Variants in CXADR observed in about 807,000 individuals in gnomAD.
CXADR encodes CXADR cell adhesion molecule, also known as coxsackievirus and adenovirus receptor.
In CXADR, 20 loss-of-function variants were observed where a neutral mutation model predicts 40.3. That is an observed-to-expected ratio of 0.50 (90% CI 0.35 to 0.72). CXADR has a LOEUF of 0.72. Ranked by LOEUF, CXADR falls within the 30% of genes least tolerant of loss-of-function variation. The pLI, the probability that CXADR is intolerant of heterozygous loss-of-function variation, is 0.01. For missense variants in CXADR, 332 were observed against 449.1 expected, an observed-to-expected ratio of 0.74 and a Z score of 2.36; for synonymous variants, 150 against 161.3, an observed-to-expected ratio of 0.93 and a Z score of 0.53.
At chr21:17,614,029 G>A in the CXADR span, 2 of 151,292 alleles carry the variant, frequency 1.3e-5, no homozygotes, top group African/African-American at 2.4e-5. Flanking sequence ...TAGCCAATTA[G>A]CAATTCAAAA....
At chr21:17,527,203 A>C (rs915308371) in intron 1 of CXADR, 5 of 152,354 alleles carry the variant, frequency 3.3e-5, no homozygotes, top group East Asian at 1.9e-4. Context: ...TGGATCTGTA[A>C]CTGTGAACAA....
At chr21:17,525,431 G>A (rs2060587063) in intron 1 of CXADR, among the ~76,000 whole-genome samples, 2 of 152,184 alleles carry the variant, frequency 1.3e-5, no homozygotes, top group African/African-American at 4.8e-5. Flanking sequence ...GTCCTCTCAA[G>A]GAATCTCAAG....
chr21:17,560,755 A>T lies in CXADR; in HGVS notation c.625A>T (p.Thr209Ser), dbSNP rs755872711. 6.2e-7 allele frequency: 1 copy of T among 1,613,948 alleles called. No individual in the cohort carries two copies. The highest frequency in any genetic ancestry group is 8.5e-7 in the Non-Finnish European group (1 of 1,179,956). The change falls in exon 5 of 7, where the codon ACA becomes TCA. Residue 209 changes from threonine to serine, a missense_variant. Around this residue, in one of 3 missense-constraint regions of CXADR, gnomAD observed 20 missense variants for 56.4 expected, o/e 0.35. Transcript: ENST00000284878. ...AAATGCCTCTTCTGAGTACTCTGGG[A>T]CATACAGCTGTACAGTCAGAAACAG... ...VKNASSEYSG[T>S]YSCTVRNRVG...
the CXADR span, among the ~76,000 whole-genome samples, chr21:17,618,378 A>G: frequency 1.3e-5 from 2 of 152,090 alleles, no homozygotes; most frequent in African/African-American, 2.4e-5. Context: ...ACTTCTATTA[A>G]TGTTGATATT....
intron 6 of CXADR, among the ~76,000 whole-genome samples, chr21:17,563,812 G>A (rs1263694453): frequency 2.0e-5 from 3 of 150,616 alleles, no homozygotes; most frequent in East Asian, 2.0e-4. Context: ...GCAGTGGCGG[G>A]CGCCTGTAGT....
At chr21:17,514,566 A>G (rs1227462390) in intron 1 of CXADR, among the ~76,000 whole-genome samples, 14 of 4,806 alleles carry the variant, frequency 2.9e-3, no homozygotes, top group East Asian at 0.011. Flanking sequence ...GTTCTCTGGG[A>G]AAAAAAAAAA....
At chr21:17,584,127 T>C (rs1372015179) in intron 7 of CXADR, among the ~76,000 whole-genome samples, 1 of 152,190 alleles carries the variant, frequency 6.6e-6, no homozygotes, top group African/African-American at 2.4e-5. Flanking sequence ...AGGATTCTGT[T>C]AGAAGAAGTA....
chr21:17,563,896 A>C (rs1363082532), intron 6 of CXADR, among the ~76,000 whole-genome samples: 1 of 130,256 alleles, frequency 7.7e-6, no homozygotes, highest in Non-Finnish European at 1.6e-5. Context: ...AGCTGAGATC[A>C]CGCCACTGCA....
downstream of CXADR, among the ~76,000 whole-genome samples, chr21:17,571,561 G>GT (rs1184583104): frequency 6.6e-6 from 1 of 152,124 alleles, no homozygotes; most frequent in Non-Finnish European, 1.5e-5. Flanking sequence ...TAAAAATAGT[G>GT]TAAGTCTAAG....
At chr21:17,581,021 G>T (rs1401297260) in intron 7 of CXADR, among the ~76,000 whole-genome samples, 1 of 152,176 alleles carries the variant, frequency 6.6e-6, no homozygotes, top group Non-Finnish European at 1.5e-5. Context: ...AAAGAGCTGG[G>T]ATTATAGGCA....
chr21:17,515,388 A>C (rs2060447319), intron 1 of CXADR, among the ~76,000 whole-genome samples: 2 of 152,118 alleles, frequency 1.3e-5, no homozygotes, highest in African/African-American at 4.8e-5. Flanking sequence ...GTCTAAGCTC[A>C]TGAGGTCTAA....
At chr21:17,528,793 A>T (rs1345004163) in intron 1 of CXADR, among the ~76,000 whole-genome samples, 2 of 151,992 alleles carry the variant, frequency 1.3e-5, no homozygotes, top group Non-Finnish European at 2.9e-5. Flanking sequence ...ATTCTGCATC[A>T]CACCTTCTCC....
chr21:17,553,997 T>C (rs2061002973), intron 3 of CXADR, among the ~76,000 whole-genome samples: 1 of 152,218 alleles, frequency 6.6e-6, no homozygotes, highest in Non-Finnish European at 1.5e-5. Flanking sequence ...CACTGCTCTC[T>C]AGGAACTATT....
At chr21:17,562,835 G>A (rs1034245825) in intron 6 of CXADR, among the ~76,000 whole-genome samples, 1 of 152,170 alleles carries the variant, frequency 6.6e-6, no homozygotes, top group African/African-American at 2.4e-5. Context: ...ACCAGCCTCT[G>A]TTAGCTTCCA....
intron 1 of CXADR, among the ~76,000 whole-genome samples, chr21:17,544,692 A>G (rs1339887741): frequency 1.3e-5 from 2 of 152,200 alleles, no homozygotes; most frequent in African/African-American, 4.8e-5. Flanking sequence ...TTCCTGGCAC[A>G]TCCTGTTGGT....
chr21:17,631,465 A>AT, the CXADR span, among the ~76,000 whole-genome samples: 1 of 152,190 alleles, frequency 6.6e-6, no homozygotes, highest in Non-Finnish European at 1.5e-5. Context: ...AGCTGACTTC[A>AT]TTTTTACTCA....
chr21:17,582,458 A>G (rs995187703), intron 7 of CXADR, among the ~76,000 whole-genome samples: 1 of 11,928 alleles, frequency 8.4e-5, no homozygotes, highest in African/African-American at 3.5e-4. Flanking sequence ...CCATTTCCAA[A>G]CCATTCTGGT....
the CXADR span, among the ~76,000 whole-genome samples, chr21:17,624,977 C>G: frequency 4.6e-5 from 7 of 152,112 alleles, no homozygotes; most frequent in Non-Finnish European, 1.0e-4. Flanking sequence ...TGTTTTCTTT[C>G]TCTAACCACT....
chr21:17,595,990 T>C (rs577474983), downstream of CXADR, among the ~76,000 whole-genome samples: 1 of 152,142 alleles, frequency 6.6e-6, no homozygotes, highest in African/African-American at 2.4e-5. Flanking sequence ...TAGTGTTTCA[T>C]ATGGATTTAA....
Sources: gnomAD v4.1 joint callset for allele counts (sites outside exome capture counted in the v4.1 genomes callset) on GRCh38, gnomAD v4.1.1 for gene constraint, gnomAD v4.1.1 regional missense constraint, MANE v1.5 for transcripts, NCBI Gene and HGNC (gene_info 2026-07-23, HGNC 2026-07-21) for gene names.